CSMD1: variants seen among roughly 807,000 people sequenced by gnomAD.
CSMD1 encodes CUB and sushi domain-containing protein 1.
In CSMD1, 213 loss-of-function variants were observed where a neutral mutation model predicts 417.5. The ratio of observed to expected loss-of-function variants is 0.51; its 90% confidence interval spans 0.46 to 0.57. The LOEUF (loss-of-function observed/expected upper bound fraction) is 0.57. Ranked by LOEUF, CSMD1 falls within the 20% of genes least tolerant of loss-of-function variation. CSMD1 has a pLI of 0.00. For missense variants in CSMD1, 6,923 were observed against 4,529.7 expected (o/e 1.53, Z -15.17); for synonymous variants, 2,862 against 1,736.8 (o/e 1.65, Z -16.11).
chr8:3,630,129 A>G (rs181371192), intron 7 of CSMD1, among the ~76,000 whole-genome samples: 12 of 152,368 alleles, frequency 7.9e-5, no homozygotes, highest in African/African-American at 2.9e-4. Flanking sequence ...AGTTTTATTT[A>G]GTTATTCAAC....
At chr8:3,837,909 C>G (rs546810495) in intron 5 of CSMD1, among the ~76,000 whole-genome samples, 2 of 152,124 alleles carry the variant, frequency 1.3e-5, no homozygotes, top group Non-Finnish European at 2.9e-5. Flanking sequence ...TGGAAATGCA[C>G]AGATGAATAT....
At chr8:3,739,307 T>C (rs1240244409) in intron 6 of CSMD1, among the ~76,000 whole-genome samples, 1 of 152,238 alleles carries the variant, frequency 6.6e-6, no homozygotes, top group Non-Finnish European at 1.5e-5. Context: ...AAATTACAGC[T>C]AGACAGGATG....
At chr8:3,333,601 G>A (rs1371247124) in intron 23 of CSMD1, among the ~76,000 whole-genome samples, 1 of 152,190 alleles carries the variant, frequency 6.6e-6, no homozygotes, top group Non-Finnish European at 1.5e-5. Context: ...TAATATGTTT[G>A]CCATAATCTT....
At chr8:3,364,208 A>C (rs1475809172) in intron 20 of CSMD1, among the ~76,000 whole-genome samples, 1 of 152,144 alleles carries the variant, frequency 6.6e-6, no homozygotes, top group South Asian at 2.1e-4. Context: ...TTTGCAGCAC[A>C]GTTTCTAGGC....
chr8:4,270,515 C>T (rs1386154519), intron 3 of CSMD1, among the ~76,000 whole-genome samples: 2 of 152,072 alleles, frequency 1.3e-5, no homozygotes, highest in Non-Finnish European at 2.9e-5. Context: ...TCTGAGTCTC[C>T]TCTCTTCTGA....
chr8:3,537,758 C>T (rs1798264878), intron 10 of CSMD1, among the ~76,000 whole-genome samples: 1 of 152,120 alleles, frequency 6.6e-6, no homozygotes, highest in Non-Finnish European at 1.5e-5. Flanking sequence ...TTATTTAGGA[C>T]AGTAAAACAA....
intron 27 of CSMD1, among the ~76,000 whole-genome samples, chr8:3,227,771 C>CTT (rs752654638): frequency 2.8e-5 from 4 of 142,324 alleles, no homozygotes; most frequent in East Asian, 2.0e-4. Context: ...AAACTTTTTT[C>CTT]TTTTTTTTTT....
intron 41 of CSMD1, among the ~76,000 whole-genome samples, chr8:3,129,099 A>C (rs186697711): frequency 9.1e-4 from 139 of 152,332 alleles, no homozygotes; most frequent in African/African-American, 3.2e-3. Context: ...TGAGCAAGAC[A>C]GTAAGAAACT....
At chr8:4,253,134 A>T (rs1803198283) in intron 3 of CSMD1, among the ~76,000 whole-genome samples, 1 of 152,228 alleles carries the variant, frequency 6.6e-6, no homozygotes, top group South Asian at 2.1e-4. Flanking sequence ...ATATTGAATG[A>T]GTATTTTCTA....
rs1420367430 is a variant in CSMD1 at position 3,431,940 on chromosome 8, C to A, written c.1562-22335G>T. The stretch of plus-strand genomic sequence containing the variant: ...CTTGACATGACTTTACTGTGTCACA[C>A]TTCTTTCAAATGTTAGTAGATGCTT... On this transcript the variant is annotated intron_variant, in intron 12 of 69. Transcript: ENST00000635120. Among the ~76,000 whole-genome samples the A allele has an allele frequency of 3.5e-4, 54 of 152,206 alleles. 1 individual carries two copies. Among genetic ancestry groups the A allele is most frequent in the Non-Finnish European group, 1.5e-5 (1 of 68,038 alleles).
chr8:4,329,201 T>A (rs1354375464), intron 3 of CSMD1, among the ~76,000 whole-genome samples: 1 of 152,170 alleles, frequency 6.6e-6, no homozygotes, highest in Non-Finnish European at 1.5e-5. Context: ...ATAGAGATGT[T>A]TCCAATACAA....
chr8:4,557,143 T>C (rs1159608887), intron 2 of CSMD1, among the ~76,000 whole-genome samples: 1 of 152,192 alleles, frequency 6.6e-6, no homozygotes, highest in African/African-American at 2.4e-5. Flanking sequence ...AAGGTTAATT[T>C]TGCTTTTCCT....
intron 1 of CSMD1, among the ~76,000 whole-genome samples, chr8:4,722,859 T>A (rs1339444629): frequency 1.3e-5 from 2 of 152,090 alleles, no homozygotes; most frequent in African/African-American, 2.4e-5. Flanking sequence ...GCTTTAGATA[T>A]CTCAACAAAA....
intron 37 of CSMD1, among the ~76,000 whole-genome samples, chr8:3,177,875 G>C (rs1333112428): frequency 1.5e-5 from 2 of 136,074 alleles, no homozygotes; most frequent in South Asian, 2.7e-4. Flanking sequence ...TGCACTCTAA[G>C]ATATCTGGAT....
intron 5 of CSMD1, among the ~76,000 whole-genome samples, chr8:3,947,265 T>C (rs1811292572): frequency 6.6e-6 from 1 of 152,182 alleles, no homozygotes; most frequent in Non-Finnish European, 1.5e-5. Flanking sequence ...TAATGTTCTT[T>C]CCACATTTAT....
At position 3,525,509 on chromosome 8, in the gene CSMD1, C is replaced by A. The variant is rs112709250; in HGVS notation, c.1345-31783G>T. 1.2e-3 allele frequency among the ~76,000 whole-genome samples: 180 copies of A among 152,268 alleles called. 1 individual carries two copies. The highest frequency in any genetic ancestry group is 4.3e-3 in the African/African-American group (178 of 41,550). ...CCTCCGTGATAAGAAACGCAGTACC[C>A]TGACACTGATTTTACTCTGAAAATA... On this transcript the variant is annotated intron_variant, in intron 10 of 69. Coordinates refer to ENST00000635120, the MANE Select transcript of CSMD1 (RefSeq NM_033225.6).
At chr8:3,287,795 TC>T (rs1378417464) in intron 25 of CSMD1, among the ~76,000 whole-genome samples, 1 of 151,948 alleles carries the variant, frequency 6.6e-6, no homozygotes, top group African/African-American at 2.4e-5. Context: ...ACTCTTTATT[TC>T]CTCCAGCTGC....
intron 2 of CSMD1, among the ~76,000 whole-genome samples, chr8:4,575,726 G>A (rs61202451): frequency 0.021 from 3,218 of 152,318 alleles, 105 homozygotes; most frequent in African/African-American, 0.074. Context: ...ACATGACCAA[G>A]AGAAGTATTC....
At chr8:3,470,109 T>C (rs2117193522) in intron 11 of CSMD1, among the ~76,000 whole-genome samples, 1 of 152,284 alleles carries the variant, frequency 6.6e-6, no homozygotes, top group African/African-American at 2.4e-5. Flanking sequence ...CAAAGCCTTC[T>C]TGTACCTTCT....
Sources: gnomAD v4.1 joint callset for allele counts (sites outside exome capture counted in the v4.1 genomes callset) on GRCh38, gnomAD v4.1.1 for gene constraint, MANE v1.5 for transcripts, NCBI Gene and HGNC (gene_info 2026-07-23, HGNC 2026-07-21) for gene names.